Variants in VEZT observed in about 807,000 individuals in gnomAD.
VEZT encodes vezatin, adherens junctions transmembrane protein, also known as vezatin.
A neutral mutation model predicts 79.9 loss-of-function variants in VEZT; 39 were observed. The ratio of observed to expected loss-of-function variants is 0.49; its 90% confidence interval spans 0.38 to 0.64. The LOEUF (loss-of-function observed/expected upper bound fraction) is 0.64, where lower values mean the gene tolerates loss of function less well. Among genes scored for constraint, VEZT ranks in the 30% least tolerant of loss-of-function variants. VEZT has a pLI of 0.00. For synonymous variants in VEZT, 325 were observed against 327.6 expected, an observed-to-expected ratio of 0.99 and a Z score of 0.09; for missense variants, 837 against 893.1, an observed-to-expected ratio of 0.94 and a Z score of 0.80.
chr12:95,263,286 A>G (rs895595384), intron 4 of VEZT, among the ~76,000 whole-genome samples: 4 of 152,232 alleles, frequency 2.6e-5, no homozygotes, highest in African/African-American at 9.6e-5. Context: ...CAATTTGGTT[A>G]TTATATACTT....
intron 1 of VEZT, among the ~76,000 whole-genome samples, chr12:95,247,608 A>C (rs185976106): frequency 5.4e-4 from 82 of 152,286 alleles, no homozygotes; most frequent in African/African-American, 1.5e-3. Flanking sequence ...TTAGACGTCC[A>C]TGTAAACAAA....
intron 8 of VEZT, among the ~76,000 whole-genome samples, chr12:95,284,800 A>C (rs1379006441): frequency 6.6e-6 from 1 of 152,110 alleles, no homozygotes; most frequent in East Asian, 1.9e-4. Flanking sequence ...CTTTCTAGTG[A>C]AAATACTTAA....
intron 1 of VEZT, among the ~76,000 whole-genome samples, chr12:95,226,958 A>T (rs1030598649): frequency 1.3e-5 from 2 of 152,232 alleles, no homozygotes; most frequent in Admixed American, 1.3e-4. Context: ...AGGACAGTAT[A>T]ACCTCAGTCT....
chr12:95,281,694 T>C (rs1416094184), intron 7 of VEZT, among the ~76,000 whole-genome samples: 1 of 151,882 alleles, frequency 6.6e-6, no homozygotes, highest in Non-Finnish European at 1.5e-5. Flanking sequence ...TACAAGCACA[T>C]ACCACCATGT....
intron 1 of VEZT, among the ~76,000 whole-genome samples, chr12:95,239,197 T>C (rs2060568381): frequency 6.6e-6 from 1 of 152,208 alleles, no homozygotes; most frequent in Admixed American, 6.5e-5. Flanking sequence ...TTTAAATTTT[T>C]AGTATAAAAG....
At chr12:95,241,281 C>A (rs1001308867) in intron 1 of VEZT, among the ~76,000 whole-genome samples, 2 of 152,080 alleles carry the variant, frequency 1.3e-5, no homozygotes, top group Admixed American at 1.3e-4. Flanking sequence ...AAGTGACCCA[C>A]CCATCTTGGC....
intron 2 of VEZT, among the ~76,000 whole-genome samples, chr12:95,255,877 A>G (rs2063391176): frequency 6.6e-6 from 1 of 152,136 alleles, no homozygotes; most frequent in Admixed American, 6.5e-5. Context: ...GATAATGTTC[A>G]TACTATTATG....
At chr12:95,230,052 C>G (rs956898875) in intron 1 of VEZT, among the ~76,000 whole-genome samples, 2 of 144,908 alleles carry the variant, frequency 1.4e-5, no homozygotes, top group African/African-American at 5.2e-5. Flanking sequence ...TTGCAGCGAG[C>G]TGAGATCACA....
chr12:95,238,053 G>A (rs576465409), intron 1 of VEZT, among the ~76,000 whole-genome samples: 1 of 152,270 alleles, frequency 6.6e-6, no homozygotes, highest in African/African-American at 2.4e-5. Flanking sequence ...TGCCTTGCAG[G>A]GTTGAGCATT....
chr12:95,271,198 A>G lies in VEZT; in HGVS notation c.848+1010A>G, dbSNP rs140311790. On this transcript the variant is annotated intron_variant, in intron 6 of 11. Coordinates refer to ENST00000436874, the MANE Select transcript of VEZT (RefSeq NM_017599.4). The stretch of plus-strand genomic sequence containing the variant: ...TCTCTTTCTCTCTCTTTCTATATAT[A>G]TATGGAAATTTCACATATATATGAA... Among the ~76,000 whole-genome samples, 923 of 152,244 alleles carry G rather than the reference A, an allele frequency of 6.1e-3. 12 individuals are homozygous for G. The highest frequency in any genetic ancestry group is 0.021 in the African/African-American group (870 of 41,540).
chr12:95,299,634 G>A (rs1164536362), intron 11 of VEZT: 4 of 152,038 alleles, frequency 2.6e-5, no homozygotes, highest in African/African-American at 9.7e-5. Context: ...TATACATATG[G>A]AAGATATTAT....
intron 1 of VEZT, chr12:95,243,935 A>G (rs1014193144): frequency 2.2e-6 from 1 of 456,042 alleles, no homozygotes. Flanking sequence ...ACCATATTAT[A>G]TCTAGGCAGC....
chr12:95,263,721 CT>C (rs948443553), intron 4 of VEZT: 65 of 152,214 alleles, frequency 4.3e-4, no homozygotes, highest in African/African-American at 1.5e-3. Context: ...ACCTAACCTT[CT>C]TTGTGTTTCT....
At chr12:95,264,628 G>C (rs553633231) in intron 4 of VEZT, among the ~76,000 whole-genome samples, 3 of 151,946 alleles carry the variant, frequency 2.0e-5, no homozygotes, top group East Asian at 1.9e-4. Flanking sequence ...TCAGAGACAG[G>C]GTTTTGCCAT....
At chr12:95,282,175 G>A in intron 7 of VEZT, 138 bp from the exon 8 acceptor site, 2 of 759,198 alleles carry the variant, frequency 2.6e-6, no homozygotes, top group Non-Finnish European at 4.1e-6. Context: ...TCTTAAGGTA[G>A]TTTAAGTTCG....
chr12:95,279,904 G>T (rs771459924), intron 7 of VEZT, among the ~76,000 whole-genome samples: 8 of 152,120 alleles, frequency 5.3e-5, no homozygotes, highest in Non-Finnish European at 1.0e-4. Context: ...TTCAAAAGCC[G>T]CAGTAAACTG....
intron 7 of VEZT, 115 bp from the exon 8 acceptor site, chr12:95,282,198 A>G: frequency 1.1e-6 from 1 of 900,970 alleles, no homozygotes; most frequent in East Asian, 2.7e-5. Context: ...TATATTTATT[A>G]TTTAGGATAA....
chr12:95,254,304 T>A (rs1181904000), intron 2 of VEZT, among the ~76,000 whole-genome samples: 1 of 151,496 alleles, frequency 6.6e-6, no homozygotes, highest in Non-Finnish European at 1.5e-5. Context: ...GACAAGTTTT[T>A]AACTGTAGGA....
intron 1 of VEZT, among the ~76,000 whole-genome samples, chr12:95,233,228 T>G (rs1445712719): frequency 6.6e-6 from 1 of 152,054 alleles, no homozygotes; most frequent in East Asian, 1.9e-4. Context: ...TTAACTATGT[T>G]TTTCCACACA....
Sources: gnomAD v4.1 joint callset for allele counts (sites outside exome capture counted in the v4.1 genomes callset) on GRCh38, gnomAD v4.1.1 for gene constraint, MANE v1.5 for transcripts, NCBI Gene and HGNC (gene_info 2026-07-23, HGNC 2026-07-21) for gene names.